The following ARHGEF10 variants were observed in gnomAD, a reference collection of about 807,000 sequenced individuals.
ARHGEF10 encodes Rho guanine nucleotide exchange factor (GEF) 10.
ARHGEF10 carries 140 observed loss-of-function variants against 147.4 expected under a neutral mutation model. The ratio of observed to expected loss-of-function variants is 0.95; its 90% CI spans 0.83 to 1.09. ARHGEF10 has a LOEUF of 1.09. Ranked by LOEUF, ARHGEF10 falls within the 50% of genes least tolerant of loss-of-function variation. The pLI is 0.00. For synonymous variants in ARHGEF10, 902 were observed against 695.8 expected, an observed-to-expected ratio of 1.30 and a Z score of -4.67; for missense variants, 2,222 against 1,752.7, an observed-to-expected ratio of 1.27 and a Z score of -4.78.
At chr8:1,905,349 C>T (rs1810796870) in intron 16 of ARHGEF10, among the ~76,000 whole-genome samples, 1 of 152,160 alleles carries the variant, frequency 6.6e-6, no homozygotes, top group Non-Finnish European at 1.5e-5. Flanking sequence ...CCTCACCGTT[C>T]CTGGTTAATG....
chr8:1,924,375 A>G (rs1319183307), intron 21 of ARHGEF10, among the ~76,000 whole-genome samples: 2 of 152,104 alleles, frequency 1.3e-5, no homozygotes, highest in Non-Finnish European at 1.5e-5. Context: ...CCTTGTTCCT[A>G]TGTCTCTTCA....
At chr8:1,902,317 G>A (rs1810533081) in intron 15 of ARHGEF10, among the ~76,000 whole-genome samples, 1 of 152,088 alleles carries the variant, frequency 6.6e-6, no homozygotes, top group South Asian at 2.1e-4. Flanking sequence ...GAAACAAAAG[G>A]CCCTGCATAA....
At chr8:1,952,594 G>A in intron 27 of ARHGEF10, 111 bp from the exon 28 acceptor site, 1 of 1,433,724 alleles carries the variant, frequency 7.0e-7, no homozygotes, top group Non-Finnish European at 9.6e-7. Flanking sequence ...CCTGCCCCTG[G>A]CGGATTTGGT....
In ARHGEF10 at chr8:1,853,134, C is replaced by T. The variant is rs114901586; in HGVS notation, c.38-4826C>T. On this transcript the variant is annotated intron_variant, in intron 2 of 28. Transcript: ENST00000349830. Reference sequence around the variant, plus strand: ...GATGCCTGTGGGTCGGCACGGGCTGCACTGCCGTCTGTGTTTCCTCCTCCG... The same window carrying T: ...GATGCCTGTGGGTCGGCACGGGCTGTACTGCCGTCTGTGTTTCCTCCTCCG... Among the ~76,000 whole-genome samples the T allele has an allele frequency of 4.8e-3, 736 of 152,300 alleles. 3 individuals are homozygous for T. The highest frequency in any genetic ancestry group is 0.017 in the African/African-American group (691 of 41,566).
chr8:1,929,546 G>T (rs1377343581), intron 25 of ARHGEF10, 103 bp downstream of exon 25: 4 of 1,348,294 alleles, frequency 3.0e-6, no homozygotes, highest in Non-Finnish European at 3.0e-6. Flanking sequence ...CCTGCCTCCC[G>T]CCCCTGTGCC....
intron 27 of ARHGEF10, among the ~76,000 whole-genome samples, chr8:1,946,492 G>A (rs540940163): frequency 9.9e-5 from 15 of 152,284 alleles, no homozygotes; most frequent in Admixed American, 3.9e-4. Context: ...TGCAGTTGGT[G>A]CCTTCTGGCT....
chr8:1,856,814 A>C (rs575348643), intron 2 of ARHGEF10, among the ~76,000 whole-genome samples: 6 of 152,196 alleles, frequency 3.9e-5, no homozygotes, highest in South Asian at 2.1e-4. Context: ...GCATGGCAGC[A>C]GGAGGTTTCC....
At chr8:1,936,252 C>T (rs945130612) in intron 26 of ARHGEF10, among the ~76,000 whole-genome samples, 2 of 152,208 alleles carry the variant, frequency 1.3e-5, no homozygotes, top group Non-Finnish European at 2.9e-5. Flanking sequence ...CAGCGGCTCA[C>T]ACCTGTAATT....
intron 1 of ARHGEF10, among the ~76,000 whole-genome samples, chr8:1,832,541 C>CAGAGGCAGAGACAGAG (rs1720215524): frequency 1.6e-5 from 2 of 124,030 alleles, no homozygotes; most frequent in Admixed American, 8.2e-5. Flanking sequence ...GACACAGAGG[C>CAGAGGCAGAGACAGAG]AGAGGCAGAG....
At chr8:1,832,691 GAGAGA>G (rs1803238641) in intron 1 of ARHGEF10, among the ~76,000 whole-genome samples, 1 of 90,300 alleles carries the variant, frequency 1.1e-5, no homozygotes, top group Non-Finnish European at 2.6e-5. Flanking sequence ...GACAGAGACA[GAGAGA>G]CAGGCAGAGG....
Position 1,869,736 on chromosome 8 carries a change from G to A in ARHGEF10, c.679+486G>A, listed in dbSNP as rs915224396. 1.7e-4 allele frequency: 39 copies of A among 230,520 alleles called. 1 individual carries two copies. In the Admixed American group the frequency reaches 1.8e-3, roughly 10 times the overall value. The allele number at this position is 230,520 out of a possible 1,614,324, so 14.3% of individuals were successfully genotyped here. ...AGGCCGATGCAATGGAGGCCGCGGA[G>A]CACCAGGCCCAGGGTGAATCTCCCG... On this transcript the variant is annotated intron_variant, in intron 7 of 28. Transcript: ENST00000349830.
chr8:1,842,322 G>C lies in ARHGEF10; in HGVS notation c.-47-1031G>C, dbSNP rs534369349. ...TGTCTGTCTGCTTCTGAGAGTGCCA[G>C]AGCCAGTGGCCAGCTCTCTGCACTA... On this transcript the variant is annotated intron_variant, in intron 1 of 28. Transcript: ENST00000349830. Among the ~76,000 whole-genome samples the C allele has an allele frequency of 3.9e-5, 6 of 152,316 alleles. No homozygotes were observed. The South Asian group carries it at 1.2e-3, about 32-fold the overall frequency.
At chr8:1,823,774 G>T (rs1226119778), upstream of ARHGEF10, among the ~76,000 whole-genome samples, 1 of 151,894 alleles carries the variant, frequency 6.6e-6, no homozygotes, top group African/African-American at 2.4e-5. Context: ...CAGCGGGAGG[G>T]GGCGCGGGCG....
chr8:1,864,435 A>T lies in ARHGEF10; in HGVS notation c.544A>T (p.Ser182Cys). 1 of 1,613,800 alleles carries T rather than the reference A, an allele frequency of 6.2e-7. No homozygotes were observed. Among genetic ancestry groups the T allele is most frequent in the South Asian group, 1.1e-5 (1 of 91,070 alleles). Residue 182 changes from serine (S) to cysteine (C), a missense_variant and splice_region_variant, in exon 5 of 29, where the codon AGT becomes TGT. Ser to Cys is a moderately radical substitution (Grantham distance 112, BLOSUM62 -1). Transcript: ENST00000349830. ...NSLSSEEPPTSEDQVGREDSA... is the reference protein window; with the variant it reads ...NSLSSEEPPTCEDQVGREDSA... ...TCTGAGTTCCGAGGAGCCTCCAACC[A>T]GGTATCTGCATCCGTCTTCCCACAC...
intron 4 of ARHGEF10, among the ~76,000 whole-genome samples, chr8:1,863,168 C>T (rs1302254948): frequency 6.6e-6 from 1 of 152,136 alleles, no homozygotes; most frequent in African/African-American, 2.4e-5. Flanking sequence ...AGATCCTGGC[C>T]CTGTGTCTGC....
chr8:1,899,813 A>G (rs576038378), intron 15 of ARHGEF10, among the ~76,000 whole-genome samples: 1 of 152,372 alleles, frequency 6.6e-6, no homozygotes, highest in South Asian at 2.1e-4. Context: ...GCAGCCACAG[A>G]CGTGATGAAT....
intron 15 of ARHGEF10, among the ~76,000 whole-genome samples, chr8:1,902,861 G>A (rs997772991): frequency 2.6e-5 from 4 of 152,262 alleles, no homozygotes; most frequent in Middle Eastern, 6.8e-3. Flanking sequence ...TGCAGTATTC[G>A]GCACCACAGT....
chr8:1,841,955 GGCCGCGACCGGAAC>G lies in ARHGEF10; in HGVS notation c.-47-1397_-47-1384del, dbSNP rs1275442687. Among the ~76,000 whole-genome samples the G allele has an allele frequency of 3.5e-4, 30 of 86,494 alleles. 4 individuals carry two copies. Among genetic ancestry groups the G allele is most frequent in the African/African-American group, 6.1e-4 (10 of 16,466 alleles). The allele number at this position is 86,494 out of a possible 152,430, so 56.7% of individuals were successfully genotyped here. A position where few individuals can be genotyped will look rare whatever the true frequency, so the allele number is the denominator to read the frequency against. On this transcript the variant is annotated intron_variant, in intron 1 of 28. Coordinates refer to ENST00000349830, the MANE Select transcript of ARHGEF10 (RefSeq NM_014629.4). ...GAACTGGGGCCGCGACCGGAACTGG[GGCCGCGACCGGAAC>G]TGGGGCCGCGGCGGGAACTGGGGCC...
At chr8:1,837,450 A>G (rs1803653258) in intron 1 of ARHGEF10, among the ~76,000 whole-genome samples, 1 of 152,212 alleles carries the variant, frequency 6.6e-6, no homozygotes, top group Admixed American at 6.5e-5. Flanking sequence ...AAAATGAGAA[A>G]TCAATTTGAC....
Sources: allele counts gnomAD v4.1 joint callset (sites outside exome capture counted in the v4.1 genomes callset), GRCh38; gene constraint gnomAD v4.1.1; transcripts MANE v1.5; gene names NCBI Gene and HGNC (gene_info 2026-07-23, HGNC 2026-07-21).